Variants in BOD1L1 observed in about 807,000 individuals in gnomAD.
BOD1L1 encodes the protein biorientation of chromosomes in cell division 1 like 1, also known as biorientation of chromosomes in cell division protein 1-like 1.
Under a neutral mutation model 240.7 loss-of-function variants are expected in BOD1L1, and 86 were observed. The observed-to-expected ratio is 0.36, with a 90% CI of 0.30 to 0.43. BOD1L1 has a LOEUF of 0.43. BOD1L1 is among the 20% of genes least tolerant of loss of function. The pLI, the probability that BOD1L1 is intolerant of heterozygous loss-of-function variation, is 1.00. For missense variants in BOD1L1, 3,554 were observed against 3,643.5 expected (o/e 0.98, Z 0.63); for synonymous variants, 1,268 against 1,272.3 (o/e 1.00, Z 0.07).
chr4:13,582,395 G>T, intron 18 of BOD1L1, 85 bp from the exon 19 acceptor site: 1 of 1,013,538 alleles, frequency 9.9e-7, no homozygotes, highest in Non-Finnish European at 1.5e-6. Flanking sequence ...CACAGCTGCA[G>T]CCACACATAA....
At position 13,611,087 on chromosome 4, in the gene BOD1L1, G is replaced by T; in HGVS notation, c.1338C>A (p.Asn446Lys). 1 of 1,601,598 alleles carries T rather than the reference G, an allele frequency of 6.2e-7. No homozygotes were observed. The highest frequency in any genetic ancestry group is 2.2e-5 in the East Asian group (1 of 44,736). ...GEITSDDEEK[N>K]KQNKTKTQTS... ...TTTGAGTTTTTGTTTTATTCTGTTT[G>T]TTCTTCTCTTCATCTGTAAGAAAGT... The change falls in exon 6 of 26, where the codon AAC becomes AAA. Residue 446 changes from asparagine (N) to lysine (K), a missense_variant. Transcript: ENST00000040738.
rs770884719 is a variant in BOD1L1, at chr4:13,576,825, C to T, written c.9038+13G>A. ...GGTGAAGGTCTCTGGCAGCTCTGTG[C>T]TGCCCCCATTACCTCTGAGCCTCTG... On this transcript the variant is annotated intron_variant, in intron 25 of 25. Transcript: ENST00000040738. 13 of 1,611,278 alleles carry T rather than the reference C, an allele frequency of 8.1e-6. No homozygotes were observed. The highest frequency in any genetic ancestry group is 1.0e-5 in the Non-Finnish European group (12 of 1,178,990).
At position 13,579,993 on chromosome 4, in the gene BOD1L1, CAA is replaced by C. The variant is rs371377202; in HGVS notation, c.8704-22_8704-21del. 12 of 1,524,442 alleles carry C rather than the reference CAA, an allele frequency of 7.9e-6. No individual in the cohort carries two copies. In the African/African-American group the frequency reaches 9.8e-5, roughly 12 times the overall value. 94.4% of individuals were successfully genotyped at this position (1,524,442 alleles called of 1,614,324 possible). On this transcript the variant is annotated intron_variant, in intron 21 of 25. Transcript: ENST00000040738. ...TTCTACCTATGTTTAAATAAACAAA[CAA>C]AAAAAAATTTTAAATCAGCAGTTTA... is the stretch of plus-strand genomic sequence containing the variant.
chr4:13,570,359 T>G (rs1712114305), intron 25 of BOD1L1, among the ~76,000 whole-genome samples: 1 of 152,248 alleles, frequency 6.6e-6, no homozygotes, highest in Non-Finnish European at 1.5e-5. Context: ...TTGAAGCCTG[T>G]GCTCTGGTTC....
chr4:13,569,768 T>G lies in BOD1L1; in HGVS notation c.*243A>C, dbSNP rs1192881131. ...TTTGAATGTTAAAATATACAACTACTTTGTTTTGAGTTCAGATACAAAGTA... is the reference window on the plus strand; with the variant it reads ...TTTGAATGTTAAAATATACAACTACGTTGTTTTGAGTTCAGATACAAAGTA... On this transcript the variant is annotated 3_prime_UTR_variant, in exon 26 of 26. Coordinates refer to ENST00000040738, the MANE Select transcript of BOD1L1 (RefSeq NM_148894.3). 3.2e-6 allele frequency: 1 copy of G among 310,020 alleles called. No homozygotes were observed. Among genetic ancestry groups the G allele is most frequent in the African/African-American group, 2.2e-5 (1 of 46,370 alleles). 19.2% of individuals were successfully genotyped at this position (310,020 alleles called of 1,614,324 possible).
At chr4:13,587,868 G>C (rs1300337626) in intron 15 of BOD1L1, 97 bp from the exon 16 acceptor site, 5 of 862,788 alleles carry the variant, frequency 5.8e-6, no homozygotes, top group Non-Finnish European at 8.9e-6. Context: ...TTTGGAATAA[G>C]TTGATATATA....
At chr4:13,583,614 T>C (rs1477543208) in intron 17 of BOD1L1, among the ~76,000 whole-genome samples, 2 of 152,222 alleles carry the variant, frequency 1.3e-5, no homozygotes, top group African/African-American at 2.4e-5. Context: ...TCATGTCAGA[T>C]ATGATTAGAT....
intron 14 of BOD1L1, among the ~76,000 whole-genome samples, chr4:13,590,012 T>G (rs1217611752): frequency 6.6e-6 from 1 of 152,232 alleles, no homozygotes; most frequent in Non-Finnish European, 1.5e-5. Context: ...TGTGACATCC[T>G]TGATATGCTA....
intron 25 of BOD1L1, chr4:13,572,769 G>C: frequency 7.8e-7 from 1 of 1,289,770 alleles, no homozygotes. Context: ...AATTTTTGGC[G>C]ATTTCTAGGA....
At chr4:13,585,995 C>T (rs1713657417) in intron 17 of BOD1L1, among the ~76,000 whole-genome samples, 1 of 152,120 alleles carries the variant, frequency 6.6e-6, no homozygotes, top group Non-Finnish European at 1.5e-5. Flanking sequence ...AGCATGAGAA[C>T]AGACTAATAC....
At chr4:13,607,473 T>A (rs1027165382) in intron 8 of BOD1L1, among the ~76,000 whole-genome samples, 1 of 152,124 alleles carries the variant, frequency 6.6e-6, no homozygotes, top group African/African-American at 2.4e-5. Context: ...TAATTTTGTA[T>A]TTTTAGTAGA....
chr4:13,570,433 C>A (rs1197618703), intron 25 of BOD1L1, among the ~76,000 whole-genome samples: 1 of 152,300 alleles, frequency 6.6e-6, no homozygotes, highest in East Asian at 1.9e-4. Context: ...GGCCCTAGTT[C>A]TTTCATCTAG....
chr4:13,620,089 TAAGTCTTCAAG>T (rs1716928583), intron 1 of BOD1L1, 22 bp from the exon 2 acceptor site: 1 of 1,583,278 alleles, frequency 6.3e-7, no homozygotes, highest in East Asian at 2.3e-5. Flanking sequence ...AAAACGAAGG[TAAGTCTTCAAG>T]GTTATACAGT....
intron 25 of BOD1L1, among the ~76,000 whole-genome samples, chr4:13,575,716 C>T (rs542208737): frequency 7.9e-5 from 12 of 152,122 alleles, no homozygotes; most frequent in South Asian, 4.1e-4. Context: ...AAGTGATTAA[C>T]GGTTAGGATG....
At chr4:13,580,820 A>C (rs1283826401) in intron 21 of BOD1L1, among the ~76,000 whole-genome samples, 200 bp downstream of exon 21, 3 of 152,232 alleles carry the variant, frequency 2.0e-5, no homozygotes, top group Non-Finnish European at 4.4e-5. Context: ...CTCCTGAATT[A>C]GAATGGAATC....
At chr4:13,582,892 G>A (rs1713350136) in intron 17 of BOD1L1, among the ~76,000 whole-genome samples, 156 bp from the exon 18 acceptor site, 1 of 152,114 alleles carries the variant, frequency 6.6e-6, no homozygotes, top group Non-Finnish European at 1.5e-5. Context: ...AACTATTATT[G>A]CTGCTAGTGA....
Position 13,601,226 on chromosome 4 carries a change from C to T in BOD1L1, c.5674G>A (p.Glu1892Lys). 1 of 1,614,006 alleles carries T rather than the reference C, an allele frequency of 6.2e-7. No homozygotes were observed. The highest frequency in any genetic ancestry group is 2.2e-5 in the East Asian group (1 of 44,880). The change falls in exon 10 of 26, where the codon GAA (glutamate) becomes AAA (lysine). Residue 1892 changes from glutamate to lysine, a missense_variant. Glu to Lys is a moderately conservative substitution (Grantham distance 56). Coordinates refer to ENST00000040738, the MANE Select transcript of BOD1L1 (RefSeq NM_148894.3). Reference protein sequence around the residue: ...HASTCTGLGEESEGVLICESA... With the variant: ...HASTCTGLGEKSEGVLICESA... ...TCACAAATCAAGACCCCTTCACTTTCTTCTCCTAACCCTGTACAAGTTGAA... is the reference window on the plus strand; with the variant it reads ...TCACAAATCAAGACCCCTTCACTTTTTTCTCCTAACCCTGTACAAGTTGAA...
chr4:13,604,406 A>G lies in BOD1L1; in HGVS notation c.2494T>C (p.Ser832Pro). The change falls in exon 10 of 26, where the codon TCA (serine) becomes CCA (proline). Residue 832 changes from serine to proline, a missense_variant. This residue lies in a region of BOD1L1 where 3,393 missense variants were observed against 3,427.1 expected (regional missense o/e 0.99). Transcript: ENST00000040738. Reference sequence around the variant, plus strand: ...TGCTCTGCCTTAGTTTTTTCAGCTGACAAGCGTCTCTCTTTTTTGTTGTTT... The same window carrying G: ...TGCTCTGCCTTAGTTTTTTCAGCTGGCAAGCGTCTCTCTTTTTTGTTGTTT... ...KENNKKERRL[S>P]AEKTKAEHKS... is the part of the protein sequence containing the mutation. The G allele has an allele frequency of 6.3e-7, 1 of 1,575,882 alleles. No homozygotes were observed.
In BOD1L1 at chr4:13,588,810, A is replaced by G. The variant is rs760309075; in HGVS notation, c.8210-18T>C. On this transcript the variant is annotated intron_variant, in intron 14 of 25. Transcript: ENST00000040738. ...GGATATCTCTGAGTAATAAATACAA[A>G]AAAGAAAAAAAAATCTTAAATATTT... is the stretch of plus-strand genomic sequence containing the variant. 7 of 1,510,536 alleles carry G rather than the reference A, an allele frequency of 4.6e-6. No individual in the cohort carries two copies. In the Admixed American group the frequency reaches 1.4e-4, roughly 31 times the overall value. The allele number at this position is 1,510,536 out of a possible 1,614,324, so 93.6% of individuals were successfully genotyped here. A position where few individuals can be genotyped will look rare whatever the true frequency, so the allele number is the denominator to read the frequency against.
Sources: allele counts gnomAD v4.1 joint callset (sites outside exome capture counted in the v4.1 genomes callset), GRCh38; gene constraint gnomAD v4.1.1; regional missense constraint gnomAD v4.1.1; transcripts MANE v1.5; gene names NCBI Gene and HGNC (gene_info 2026-07-23, HGNC 2026-07-21).